RAB40C: variants seen among roughly 807,000 people sequenced by gnomAD.
RAB40C encodes RAB40C, member RAS oncogene family.
In RAB40C, 8 loss-of-function variants were observed where a neutral mutation model predicts 28.1. The ratio of observed to expected loss-of-function variants is 0.28; its 90% CI spans 0.17 to 0.51. The LOEUF is 0.51. RAB40C is among the 20% of genes least tolerant of loss of function. The pLI, the probability that RAB40C is intolerant of heterozygous loss-of-function variation, is 0.97. For synonymous variants in RAB40C, 201 were observed against 171.7 expected (o/e 1.17, Z -1.34); for missense variants, 288 against 405.9 (o/e 0.71, Z 2.50).
At chr16:605,492 G>A (rs1043101707) in intron 1 of RAB40C, among the ~76,000 whole-genome samples, 8 of 152,170 alleles carry the variant, frequency 5.3e-5, no homozygotes, top group South Asian at 4.1e-4. Flanking sequence ...CTCTGCCCCC[G>A]GCCTGGCATG....
intron 1 of RAB40C, among the ~76,000 whole-genome samples, chr16:614,320 TGGTGAACTGCTAACTCTGCCGCATCCC>T (rs1199183441): frequency 0.041 from 5,389 of 130,868 alleles, 159 homozygotes; most frequent in South Asian, 0.054. Flanking sequence ...CACATCCCGA[TGGTGAACTGCTAACTCTGCCGCATCCC>T]GATGGTGAAC....
intron 1 of RAB40C, among the ~76,000 whole-genome samples, chr16:608,515 G>A (rs956679172): frequency 2.6e-5 from 4 of 152,152 alleles, no homozygotes; most frequent in South Asian, 2.1e-4. Flanking sequence ...GGCCCTCAGC[G>A]CCATCAGACC....
At chr16:600,854 G>A (rs549600815) in intron 1 of RAB40C, among the ~76,000 whole-genome samples, 1 of 152,340 alleles carries the variant, frequency 6.6e-6, no homozygotes, top group African/African-American at 2.4e-5. Context: ...TTTGCCTGTG[G>A]GGAAACAGAA....
chr16:599,026 A>G (rs1567184946), intron 1 of RAB40C, among the ~76,000 whole-genome samples: 2 of 152,334 alleles, frequency 1.3e-5, no homozygotes, highest in East Asian at 3.9e-4. Flanking sequence ...TGGGCACAGC[A>G]GGTACAGCCT....
At chr16:596,162 C>T (rs759469639) in intron 1 of RAB40C, among the ~76,000 whole-genome samples, 7 of 152,234 alleles carry the variant, frequency 4.6e-5, no homozygotes, top group Admixed American at 2.0e-4. Flanking sequence ...ACAGATGACT[C>T]GTGTCGAGCA....
chr16:624,098 G>T (rs756634744), intron 3 of RAB40C: 19 of 985,486 alleles, frequency 1.9e-5, no homozygotes, highest in Non-Finnish European at 2.3e-5. Context: ...GTCCCCTGAG[G>T]CTGGACATTT....
chr16:597,986 C>T (rs1240155928), intron 1 of RAB40C, among the ~76,000 whole-genome samples: 1 of 149,144 alleles, frequency 6.7e-6, no homozygotes, highest in African/African-American at 2.5e-5. Flanking sequence ...GTGGCTCACA[C>T]CTGTAATTCC....
chr16:624,373 C>T (rs1043344239), intron 3 of RAB40C: 83 of 985,330 alleles, frequency 8.4e-5, no homozygotes, highest in Admixed American at 2.5e-4. Context: ...TATCATTTAT[C>T]GCCCACCAGA....
chr16:607,742 G>A (rs1337372020), intron 1 of RAB40C, among the ~76,000 whole-genome samples: 1 of 152,168 alleles, frequency 6.6e-6, no homozygotes, highest in Non-Finnish European at 1.5e-5. Context: ...AGTGAGCCGA[G>A]ATCGCGCCAC....
chr16:599,107 A>T (rs1201922985), intron 1 of RAB40C, among the ~76,000 whole-genome samples: 1 of 152,184 alleles, frequency 6.6e-6, no homozygotes, highest in Non-Finnish European at 1.5e-5. Flanking sequence ...CTGAACACAA[A>T]CACAGTGACA....
rs2036384657 is a variant in RAB40C, at chr16:607,499, C to A, written c.143-9709C>A. ...GCCTGGACAACGAGAGTGAAACTGTCTCAAAAAAAAAAAAAAACGGGGGGC... is the reference window on the plus strand; with the variant it reads ...GCCTGGACAACGAGAGTGAAACTGTATCAAAAAAAAAAAAAAACGGGGGGC... On this transcript the variant is annotated intron_variant, in intron 1 of 5. Transcript: ENST00000248139. Among the ~76,000 whole-genome samples, 4 of 121,852 alleles carry A rather than the reference C, an allele frequency of 3.3e-5. No individual in the cohort carries two copies. The South Asian group carries it at 1.2e-3, about 37-fold the overall frequency. 79.9% of individuals were successfully genotyped at this position (121,852 alleles called of 152,430 possible).
At chr16:603,798 CT>C (rs563416333) in intron 1 of RAB40C, among the ~76,000 whole-genome samples, 13 of 152,320 alleles carry the variant, frequency 8.5e-5, no homozygotes, top group Admixed American at 7.2e-4. Flanking sequence ...CAGCAGTCGG[CT>C]TCCATCACAT....
At chr16:598,955 G>A (rs1359682184) in intron 1 of RAB40C, among the ~76,000 whole-genome samples, 3 of 152,140 alleles carry the variant, frequency 2.0e-5, no homozygotes, top group African/African-American at 7.2e-5. Context: ...TCCCTGCCCG[G>A]GGCCGGCGGC....
chr16:617,083 G>A (rs1450545605), intron 1 of RAB40C, 125 bp from the exon 2 acceptor site: 2 of 995,380 alleles, frequency 2.0e-6, no homozygotes, highest in Non-Finnish European at 3.1e-6. Flanking sequence ...CTGGCTGAGT[G>A]TGGGGGAGCT....
intron 1 of RAB40C, among the ~76,000 whole-genome samples, chr16:606,843 G>T (rs1368066081): frequency 1.3e-5 from 2 of 152,238 alleles, no homozygotes; most frequent in South Asian, 2.1e-4. Flanking sequence ...TAGTTAATTG[G>T]CCCCACCCAG....
chr16:618,314 C>G (rs933609435), intron 3 of RAB40C, 54 bp downstream of exon 3: 6 of 1,514,916 alleles, frequency 4.0e-6, no homozygotes, highest in South Asian at 2.4e-5. Context: ...TCTCCTGATT[C>G]TTTCTGAATG....
intron 3 of RAB40C, among the ~76,000 whole-genome samples, chr16:622,791 A>T (rs958660496): frequency 3.3e-5 from 5 of 152,188 alleles, no homozygotes; most frequent in Admixed American, 3.3e-4. Flanking sequence ...GGCGTGAGCC[A>T]CGGCGCCTGG....
intron 1 of RAB40C, among the ~76,000 whole-genome samples, chr16:609,744 GAAAAGAAAGTTGAGGACATCTC>G (rs938988694): frequency 5.3e-5 from 8 of 152,196 alleles, no homozygotes; most frequent in African/African-American, 1.9e-4. Context: ...AGAAGGGCTA[GAAAAGAAAGTTGAGGACATCTC>G]CCAGAAAATA....
intron 3 of RAB40C, among the ~76,000 whole-genome samples, chr16:618,542 G>T (rs1292861508): frequency 6.6e-6 from 1 of 152,232 alleles, no homozygotes; most frequent in Non-Finnish European, 1.5e-5. Context: ...GGCGCAGTGG[G>T]TGTACTTGGA....
Sources: gnomAD v4.1 joint callset for allele counts (sites outside exome capture counted in the v4.1 genomes callset) on GRCh38, gnomAD v4.1.1 for gene constraint, MANE v1.5 for transcripts, NCBI Gene and HGNC (gene_info 2026-07-23, HGNC 2026-07-21) for gene names.